The following TNPO1 variants were observed in gnomAD, a reference collection of about 807,000 sequenced individuals.
TNPO1 encodes transportin-1.
A neutral mutation model predicts 119.5 loss-of-function variants in TNPO1; 8 were observed. The ratio of observed to expected loss-of-function variants is 0.07; its 90% confidence interval spans 0.04 to 0.12. The LOEUF is 0.12. Ranked by LOEUF, TNPO1 falls within the 10% of genes least tolerant of loss-of-function variation. TNPO1 has a pLI of 1.00. For missense variants in TNPO1, 576 were observed against 1,089.8 expected, an observed-to-expected ratio of 0.53 and a Z score of 6.64; for synonymous variants, 362 against 363.0, an observed-to-expected ratio of 1.00 and a Z score of 0.03.
At chr5:72,837,141 T>C (rs1419552465) in intron 1 of TNPO1, among the ~76,000 whole-genome samples, 1 of 152,168 alleles carries the variant, frequency 6.6e-6, no homozygotes, top group African/African-American at 2.4e-5. Context: ...GCACCCCACT[T>C]CTTGGTGCCA....
intron 24 of TNPO1, among the ~76,000 whole-genome samples, chr5:72,906,080 A>G (rs1310080299): frequency 6.6e-6 from 1 of 151,962 alleles, no homozygotes; most frequent in Admixed American, 6.6e-5. Flanking sequence ...TTTTCCTGCA[A>G]GAAGACATCG....
intron 1 of TNPO1, among the ~76,000 whole-genome samples, chr5:72,827,488 G>C (rs11750849): frequency 0.095 from 14,395 of 152,186 alleles, 949 homozygotes; most frequent in Non-Finnish European, 0.15. Context: ...GACAGCAGAG[G>C]GGGTGAGAAG....
At chr5:72,895,460 T>A (rs1256110859) in intron 18 of TNPO1, among the ~76,000 whole-genome samples, 2 of 152,098 alleles carry the variant, frequency 1.3e-5, no homozygotes, top group African/African-American at 4.8e-5. Flanking sequence ...TCTGGAGACA[T>A]TTTGTTTGAT....
intron 22 of TNPO1, among the ~76,000 whole-genome samples, chr5:72,901,960 C>T (rs1314214401): frequency 3.9e-5 from 6 of 151,902 alleles, no homozygotes; most frequent in African/African-American, 7.3e-5. Flanking sequence ...CCTGTAATCC[C>T]AGCTCTCGGG....
At chr5:72,871,363 A>G (rs1376522434) in intron 6 of TNPO1, among the ~76,000 whole-genome samples, 1 of 152,228 alleles carries the variant, frequency 6.6e-6, no homozygotes, top group Non-Finnish European at 1.5e-5. Flanking sequence ...TGAGCTCCCC[A>G]TAGTATGCTT....
chr5:72,873,488 A>C (rs1370369164), intron 7 of TNPO1, among the ~76,000 whole-genome samples: 2 of 152,118 alleles, frequency 1.3e-5, no homozygotes, highest in Non-Finnish European at 2.9e-5. Context: ...ATCTTTTACC[A>C]ATAAACTAAG....
At chr5:72,816,825 A>G in intron 1 of TNPO1, 73 bp downstream of exon 1, 1 of 1,510,604 alleles carries the variant, frequency 6.6e-7, no homozygotes. Flanking sequence ...GAGCTGCCTG[A>G]CGCGCCTACG....
chr5:72,862,582 C>T (rs1286732604), intron 5 of TNPO1, among the ~76,000 whole-genome samples: 2 of 152,038 alleles, frequency 1.3e-5, no homozygotes, highest in Non-Finnish European at 2.9e-5. Context: ...CAGCCTCAGC[C>T]TCCCAAAGTG....
intron 13 of TNPO1, 104 bp downstream of exon 13, chr5:72,888,407 A>G: frequency 9.6e-7 from 1 of 1,037,264 alleles, no homozygotes; most frequent in Non-Finnish European, 1.4e-6. Flanking sequence ...GTGTTTCGTA[A>G]TTGAAAATTT....
intron 3 of TNPO1, among the ~76,000 whole-genome samples, chr5:72,854,831 G>A (rs1745856529): frequency 6.6e-6 from 1 of 152,022 alleles, no homozygotes; most frequent in African/African-American, 2.4e-5. Flanking sequence ...CTTTTTAAAT[G>A]TTTTTGGAGG....
intron 21 of TNPO1, among the ~76,000 whole-genome samples, 195 bp downstream of exon 21, chr5:72,900,276 G>A (rs1002606305): frequency 1.1e-4 from 17 of 152,014 alleles, no homozygotes; most frequent in African/African-American, 3.9e-4. Flanking sequence ...TTATGTTGTG[G>A]CTAACGACTA....
chr5:72,857,300 G>T (rs1450549508), intron 4 of TNPO1, among the ~76,000 whole-genome samples: 1 of 149,232 alleles, frequency 6.7e-6, no homozygotes, highest in African/African-American at 2.5e-5. Context: ...CCTGGGTGAC[G>T]AGCGAAAATC....
At chr5:72,876,778 A>G (rs984032333) in intron 8 of TNPO1, among the ~76,000 whole-genome samples, 1 of 152,164 alleles carries the variant, frequency 6.6e-6, no homozygotes, top group Non-Finnish European at 1.5e-5. Flanking sequence ...ACTGTATTTT[A>G]TAGTCACCTA....
At chr5:72,838,423 C>G (rs1053244581) in intron 1 of TNPO1, among the ~76,000 whole-genome samples, 1 of 152,140 alleles carries the variant, frequency 6.6e-6, no homozygotes, top group Non-Finnish European at 1.5e-5. Flanking sequence ...GTATGTCTCA[C>G]TTTATTAATT....
At position 72,853,327 on chromosome 5, in the gene TNPO1, G is replaced by A. The variant is rs539878538; in HGVS notation, c.205+2008G>A. Among the ~76,000 whole-genome samples the A allele has an allele frequency of 7.2e-5, 11 of 152,234 alleles. No individual in the cohort carries two copies. The East Asian group carries it at 1.9e-3, about 27-fold the overall frequency. On this transcript the variant is annotated intron_variant, in intron 3 of 24. Coordinates refer to ENST00000337273, the MANE Select transcript of TNPO1 (RefSeq NM_002270.4). Reference sequence around the variant, plus strand: ...CATAGTGGCACACACCTGTGGTCCCGCTACTCAGGAGGCTGAGGTGGGAGG... The same window carrying A: ...CATAGTGGCACACACCTGTGGTCCCACTACTCAGGAGGCTGAGGTGGGAGG...
At chr5:72,861,987 G>A in intron 5 of TNPO1, 73 bp downstream of exon 5, 1 of 1,099,176 alleles carries the variant, frequency 9.1e-7, no homozygotes, top group Non-Finnish European at 1.4e-6. Flanking sequence ...AGCAGCTTTT[G>A]GGAAAAATAG....
chr5:72,876,010 T>A (rs1747736054), intron 8 of TNPO1, among the ~76,000 whole-genome samples: 1 of 152,148 alleles, frequency 6.6e-6, no homozygotes, highest in African/African-American at 2.4e-5. Context: ...TTTTAAAGGT[T>A]GCAGTCTAAG....
At chr5:72,869,122 T>C (rs1747177519) in intron 6 of TNPO1, among the ~76,000 whole-genome samples, 1 of 152,232 alleles carries the variant, frequency 6.6e-6, no homozygotes, top group South Asian at 2.1e-4. Context: ...TATTGTGTTC[T>C]GGCTTATCTC....
In TNPO1 at chr5:72,882,476, T is replaced by C; in HGVS notation, c.930T>C (p.Pro310=). ...ATTTCTTTCTTTATAGGTTGATTCC[T>C]GTGTTAGTGAATGGCATGAAGTACT... is the stretch of plus-strand genomic sequence containing the variant. ...VLVRHLPKLI[P]VLVNGMKYSD... is the part of the protein sequence containing the mutation. The change falls in exon 10 of 25, where the codon CCT becomes CCC. Residue 310 remains proline (P), a synonymous_variant. Coordinates refer to ENST00000337273, the MANE Select transcript of TNPO1 (RefSeq NM_002270.4). 1 of 1,608,756 alleles carries C rather than the reference T, an allele frequency of 6.2e-7. No individual in the cohort carries two copies. Among genetic ancestry groups the C allele is most frequent in the Non-Finnish European group, 8.5e-7 (1 of 1,177,472 alleles).
Sources: gnomAD v4.1 joint callset for allele counts (sites outside exome capture counted in the v4.1 genomes callset) on GRCh38, gnomAD v4.1.1 for gene constraint, MANE v1.5 for transcripts, NCBI Gene and HGNC (gene_info 2026-07-23, HGNC 2026-07-21) for gene names.